The following RAPGEF2 variants were observed in gnomAD, a reference collection of about 807,000 sequenced individuals.
RAPGEF2 encodes Rap guanine nucleotide exchange factor 2, also known as PDZ domain containing guanine nucleotide exchange factor (GEF) 1.
RAPGEF2 carries 54 observed loss-of-function variants against 186.7 expected under a neutral mutation model. That is an observed-to-expected ratio of 0.29 (90% CI 0.23 to 0.36). The LOEUF (loss-of-function observed/expected upper bound fraction) is 0.36. Among genes scored for constraint, RAPGEF2 ranks in the 10% least tolerant of loss-of-function variants. RAPGEF2 has a pLI of 1.00. For synonymous variants in RAPGEF2, 712 were observed against 705.9 expected (o/e 1.01, Z -0.14); for missense variants, 1,532 against 2,045.0 (o/e 0.75, Z 4.84).
chr4:159,145,721 G>A (rs532211441), intron 1 of RAPGEF2, among the ~76,000 whole-genome samples: 53 of 152,292 alleles, frequency 3.5e-4, no homozygotes, highest in African/African-American at 1.1e-3. Context: ...ATGTTTAAGA[G>A]GTATTAGTAA....
At chr4:159,349,082 ATGCTGGCCTTGGAAAT>A (rs1394508117) in intron 25 of RAPGEF2, among the ~76,000 whole-genome samples, 2 of 152,194 alleles carry the variant, frequency 1.3e-5, no homozygotes, top group East Asian at 3.9e-4. Context: ...TCTGTGTATG[ATGCTGGCCTTGGAAAT>A]TTTTTCCAGA....
chr4:159,293,512 T>G (rs545510691), intron 7 of RAPGEF2, among the ~76,000 whole-genome samples: 1 of 152,312 alleles, frequency 6.6e-6, no homozygotes, highest in African/African-American at 2.4e-5. Flanking sequence ...TTATCCAAAC[T>G]GCACACAGTC....
intron 7 of RAPGEF2, among the ~76,000 whole-genome samples, chr4:159,265,011 CTT>C (rs1164426805): frequency 6.6e-6 from 1 of 152,192 alleles, no homozygotes; most frequent in East Asian, 1.9e-4. Context: ...TCGATGAACA[CTT>C]GGGTTGCTTC....
intron 3 of RAPGEF2, among the ~76,000 whole-genome samples, chr4:159,200,559 ATTGT>A (rs1472124381): frequency 6.6e-6 from 1 of 150,760 alleles, no homozygotes; most frequent in Non-Finnish European, 1.5e-5. Context: ...AGTAGTTTAC[ATTGT>A]TTGCTAGTTA....
At chr4:159,263,843 T>C (rs879573666) in intron 7 of RAPGEF2, among the ~76,000 whole-genome samples, 1 of 152,162 alleles carries the variant, frequency 6.6e-6, no homozygotes, top group Non-Finnish European at 1.5e-5. Flanking sequence ...AATATAATGA[T>C]ATTAAATATA....
At chr4:159,163,477 A>G (rs571594675) in intron 1 of RAPGEF2, among the ~76,000 whole-genome samples, 1 of 152,370 alleles carries the variant, frequency 6.6e-6, no homozygotes, top group South Asian at 2.1e-4. Context: ...ATAAAAGCTC[A>G]GTGAAAATTC....
chr4:159,263,165 C>T (rs1757062260), intron 7 of RAPGEF2, among the ~76,000 whole-genome samples: 1 of 151,632 alleles, frequency 6.6e-6, no homozygotes, highest in Non-Finnish European at 1.5e-5. Context: ...TGAGGTATAC[C>T]CAAAGATGAA....
chr4:159,186,276 A>G (rs1367870482), intron 1 of RAPGEF2, among the ~76,000 whole-genome samples: 2 of 152,078 alleles, frequency 1.3e-5, no homozygotes, highest in African/African-American at 2.4e-5. Context: ...TATATTGACT[A>G]AGAAAATAAT....
At chr4:159,254,291 C>T (rs1192855308) in intron 7 of RAPGEF2, among the ~76,000 whole-genome samples, 2 of 152,152 alleles carry the variant, frequency 1.3e-5, no homozygotes, top group African/African-American at 4.8e-5. Context: ...TTAGGTTTTA[C>T]CCATTTTTGC....
intron 1 of RAPGEF2, among the ~76,000 whole-genome samples, chr4:159,106,131 GCTA>G (rs1319574816): frequency 1.3e-5 from 2 of 152,228 alleles, no homozygotes; most frequent in Non-Finnish European, 2.9e-5. Context: ...GCCTGGGCCA[GCTA>G]CTACTAACCC....
intron 1 of RAPGEF2, among the ~76,000 whole-genome samples, chr4:159,169,799 A>G (rs1167112075): frequency 6.6e-6 from 1 of 152,022 alleles, no homozygotes; most frequent in Non-Finnish European, 1.5e-5. Flanking sequence ...TATATACCGC[A>G]CTTTCTTCAT....
chr4:159,186,073 C>CT (rs201281221), intron 1 of RAPGEF2, among the ~76,000 whole-genome samples: 70 of 150,688 alleles, frequency 4.6e-4, no homozygotes, highest in Admixed American at 1.3e-3. Flanking sequence ...AACTTTGAGT[C>CT]TTTTTTTTTC....
chr4:159,350,411 C>G (rs577191980), intron 26 of RAPGEF2, 122 bp downstream of exon 26: 1 of 769,698 alleles, frequency 1.3e-6, no homozygotes, highest in Non-Finnish European at 1.8e-6. Flanking sequence ...AGCTCATTTG[C>G]AATGCCCAAT....
intron 1 of RAPGEF2, among the ~76,000 whole-genome samples, chr4:159,169,335 A>C (rs1745658522): frequency 6.6e-6 from 1 of 152,198 alleles, no homozygotes; most frequent in Non-Finnish European, 1.5e-5. Context: ...TTGATACATA[A>C]AAATTATAGG....
chr4:159,353,062 T>A lies in RAPGEF2; in HGVS notation c.4091+152T>A. The A allele has an allele frequency of 1.3e-6, 1 of 748,328 alleles. No homozygotes were observed. Among genetic ancestry groups the A allele is most frequent in the Non-Finnish European group, 2.1e-6 (1 of 466,114 alleles). 46.4% of individuals were successfully genotyped at this position (748,328 alleles called of 1,614,324 possible). On this transcript the variant is annotated intron_variant, in intron 27 of 29. Coordinates refer to ENST00000691494, the MANE Select transcript of RAPGEF2 (RefSeq NM_001394067.2). This position sits in a 1 kb window ranked among gnomAD's most constrained non-coding sequence, Gnocchi z 4.3. Reference sequence around the variant, plus strand: ...GTTCTGATTTTCACAATTTCTACACTAAGTATCATGTTATTTTTGTTAAGC... The same window carrying A: ...GTTCTGATTTTCACAATTTCTACACAAAGTATCATGTTATTTTTGTTAAGC...
rs768095219 is a variant in RAPGEF2 at position 159,356,103 on chromosome 4, G to A, written c.4902G>A (p.Glu1634=). The A allele has an allele frequency of 2.0e-5, 33 of 1,614,076 alleles. No homozygotes were observed. Among genetic ancestry groups the A allele is most frequent in the South Asian group, 1.1e-5 (1 of 91,092 alleles). ...VNKPQWHKPN[E]SDPRLAPYQS... is the part of the protein sequence containing the mutation. ...AACCTCAGTGGCATAAACCGAACGA[G>A]TCTGACCCGCGCCTCGCCCCCTATC... is the stretch of plus-strand genomic sequence containing the variant. Residue 1634 remains glutamate, a synonymous_variant, in exon 29 of 30, where the codon GAG becomes GAA. Coordinates refer to ENST00000691494, the MANE Select transcript of RAPGEF2 (RefSeq NM_001394067.2).
rs552737128 is a variant in RAPGEF2 at position 159,103,435 on chromosome 4, AGGC to A, written c.-712_-710del. ...CCCACAGCGGCGGCCCGAGCAGCAG[AGGC>A]GGCGGCGGCGGCGGCTGGGCGGCCC... On this transcript the variant is annotated 5_prime_UTR_variant, in exon 1 of 30. Coordinates refer to ENST00000691494, the MANE Select transcript of RAPGEF2 (RefSeq NM_001394067.2). 6.5e-4 allele frequency: 104 copies of A among 159,022 alleles called. 1 individual carries two copies. The highest frequency in any genetic ancestry group is 2.8e-3 in the South Asian group (16 of 5,756). 9.9% of individuals were successfully genotyped at this position (159,022 alleles called of 1,614,324 possible).
chr4:159,295,490 A>G (rs1761824065), intron 7 of RAPGEF2, among the ~76,000 whole-genome samples: 1 of 152,148 alleles, frequency 6.6e-6, no homozygotes, highest in South Asian at 2.1e-4. Context: ...TTAACAGGCA[A>G]CAGGACATTT....
At chr4:159,175,076 T>C (rs773794295) in intron 1 of RAPGEF2, among the ~76,000 whole-genome samples, 51 of 152,310 alleles carry the variant, frequency 3.3e-4, no homozygotes, top group Middle Eastern at 3.4e-3. Context: ...ATGTGTCTTA[T>C]AATGTTTAGG....
Sources: gnomAD v4.1 joint callset for allele counts (sites outside exome capture counted in the v4.1 genomes callset) on GRCh38, gnomAD v4.1.1 for gene constraint, Gnocchi (gnomAD v3.1) non-coding constraint, MANE v1.5 for transcripts, NCBI Gene and HGNC (gene_info 2026-07-23, HGNC 2026-07-21) for gene names.